CNBD1: variants seen among roughly 807,000 people sequenced by gnomAD.
The protein encoded by CNBD1 is cyclic nucleotide binding domain containing 1.
CNBD1 carries 71 observed loss-of-function variants against 54.4 expected under a neutral mutation model. That is an observed-to-expected ratio of 1.30 (90% CI 1.08 to 1.59). The LOEUF (loss-of-function observed/expected upper bound fraction) is 1.59. CNBD1 is among the 40% of genes most tolerant of loss of function. CNBD1 has a pLI of 0.00. For synonymous variants in CNBD1, 182 were observed against 170.7 expected (o/e 1.07, Z -0.51); for missense variants, 659 against 518.0 (o/e 1.27, Z -2.64).
intron 4 of CNBD1, among the ~76,000 whole-genome samples, chr8:87,040,558 G>T (rs1810045881): frequency 6.6e-6 from 1 of 151,284 alleles, no homozygotes; most frequent in Admixed American, 6.6e-5. Context: ...CATGTAGCTG[G>T]GACTACAGGT....
chr8:87,322,214 T>G lies in CNBD1; in HGVS notation c.1043-29471T>G, dbSNP rs112399322. ...AATCCAGTCTATCATTGTTGGACAT[T>G]TGGGTTGTTTCCAAGTCTTTGCTAT... On this transcript the variant is annotated intron_variant, in intron 8 of 10. Coordinates refer to ENST00000518476, the MANE Select transcript of CNBD1 (RefSeq NM_173538.3). 2.5e-4 allele frequency among the ~76,000 whole-genome samples: 31 copies of G among 122,748 alleles called. 6 individuals are homozygous for G. The highest frequency in any genetic ancestry group is 7.7e-4 in the African/African-American group (25 of 32,636). 80.5% of individuals were successfully genotyped at this position (122,748 alleles called of 152,430 possible). A position where few individuals can be genotyped will look rare whatever the true frequency, so the allele number is the denominator to read the frequency against.
At chr8:87,172,342 T>C (rs1379233511) in intron 4 of CNBD1, among the ~76,000 whole-genome samples, 1 of 152,132 alleles carries the variant, frequency 6.6e-6, no homozygotes, top group Non-Finnish European at 1.5e-5. Context: ...ATGTTTATTC[T>C]ACAGCTATTG....
intron 4 of CNBD1, among the ~76,000 whole-genome samples, chr8:87,113,656 A>C (rs1039911313): frequency 2.6e-5 from 4 of 152,200 alleles, no homozygotes; most frequent in African/African-American, 9.6e-5. Context: ...ACGGTGACTC[A>C]CGCCTGTAAT....
downstream of CNBD1, among the ~76,000 whole-genome samples, chr8:87,387,588 G>T (rs968508995): frequency 1.3e-5 from 2 of 152,116 alleles, no homozygotes; most frequent in Non-Finnish European, 2.9e-5. Context: ...CAATACAGGA[G>T]CACCCAGGTT....
intron 4 of CNBD1, among the ~76,000 whole-genome samples, chr8:87,018,757 A>G (rs1424659736): frequency 1.3e-5 from 2 of 152,184 alleles, no homozygotes; most frequent in Non-Finnish European, 2.9e-5. Flanking sequence ...AAAACTATAC[A>G]AGCCGCCTCC....
intron 10 of CNBD1, among the ~76,000 whole-genome samples, chr8:87,370,048 G>C (rs189167703): frequency 6.6e-6 from 1 of 151,904 alleles, no homozygotes; most frequent in African/African-American, 2.4e-5. Context: ...CCCTACAAAG[G>C]ACATGAACTC....
At chr8:86,936,671 A>T (rs1048651480) in intron 3 of CNBD1, among the ~76,000 whole-genome samples, 2 of 150,386 alleles carry the variant, frequency 1.3e-5, no homozygotes, top group Non-Finnish European at 2.9e-5. Flanking sequence ...TGAACCCAGG[A>T]GGCAGAGCTT....
intron 2 of CNBD1, among the ~76,000 whole-genome samples, chr8:87,393,933 A>C (rs140655241): frequency 6.6e-6 from 1 of 151,948 alleles, no homozygotes; most frequent in East Asian, 1.9e-4. Flanking sequence ...AAAAAACACT[A>C]TCCAAAGGCC....
chr8:87,305,197 C>G (rs1809116561), intron 8 of CNBD1, among the ~76,000 whole-genome samples: 1 of 152,022 alleles, frequency 6.6e-6, no homozygotes, highest in African/African-American at 2.4e-5. Context: ...ATATACCTAA[C>G]CAAGAAGTTG....
At chr8:87,028,734 T>C (rs182844573) in intron 4 of CNBD1, among the ~76,000 whole-genome samples, 150 of 152,338 alleles carry the variant, frequency 9.8e-4, no homozygotes, top group African/African-American at 3.3e-3. Context: ...TTTTCAATTA[T>C]TTGGTACCTT....
chr8:87,380,916 T>C (rs915429803), intron 10 of CNBD1, among the ~76,000 whole-genome samples: 6 of 152,038 alleles, frequency 3.9e-5, no homozygotes, highest in African/African-American at 1.4e-4. Context: ...AAGACACAAA[T>C]GCAAGAATTG....
intron 4 of CNBD1, among the ~76,000 whole-genome samples, chr8:86,998,866 T>C (rs1461884951): frequency 2.6e-5 from 4 of 152,182 alleles, no homozygotes; most frequent in African/African-American, 7.2e-5. Flanking sequence ...AAATGAGTCT[T>C]GCCTTATGCT....
chr8:86,930,341 G>T (rs560753006), intron 3 of CNBD1, among the ~76,000 whole-genome samples: 2 of 152,158 alleles, frequency 1.3e-5, no homozygotes, highest in Non-Finnish European at 2.9e-5. Flanking sequence ...TAGCTAGAAA[G>T]GTCAAGAGAT....
intron 5 of CNBD1, among the ~76,000 whole-genome samples, chr8:87,231,492 A>G (rs1280221735): frequency 2.6e-5 from 4 of 152,172 alleles, no homozygotes; most frequent in Non-Finnish European, 5.9e-5. Flanking sequence ...CCCTGCTTTC[A>G]GTTTCCTCAG....
At chr8:87,107,381 C>T (rs1384702652) in intron 4 of CNBD1, among the ~76,000 whole-genome samples, 1 of 152,150 alleles carries the variant, frequency 6.6e-6, no homozygotes, top group Non-Finnish European at 1.5e-5. Flanking sequence ...CACATTAATA[C>T]TTCAGGACAC....
intron 3 of CNBD1, among the ~76,000 whole-genome samples, chr8:86,917,536 T>C (rs973063523): frequency 8.5e-5 from 13 of 152,058 alleles, no homozygotes; most frequent in African/African-American, 3.1e-4. Context: ...TGAACACTGG[T>C]AAGGGTAGAG....
intron 8 of CNBD1, among the ~76,000 whole-genome samples, chr8:87,313,221 G>T (rs1349213816): frequency 6.6e-6 from 1 of 151,930 alleles, no homozygotes; most frequent in Non-Finnish European, 1.5e-5. Flanking sequence ...TTATCCATTT[G>T]TGTTTGTTGG....
At chr8:86,890,278 A>G (rs1305417149) in intron 2 of CNBD1, among the ~76,000 whole-genome samples, 1 of 152,054 alleles carries the variant, frequency 6.6e-6, no homozygotes, top group Non-Finnish European at 1.5e-5. Flanking sequence ...AGTAACCACC[A>G]TTCTACTCTC....
At chr8:87,007,360 A>G (rs1343565802) in intron 4 of CNBD1, among the ~76,000 whole-genome samples, 2 of 152,178 alleles carry the variant, frequency 1.3e-5, no homozygotes, top group African/African-American at 2.4e-5. Flanking sequence ...TAAAAAATCC[A>G]TAAGCTCTTA....
Sources: allele counts gnomAD v4.1 joint callset (sites outside exome capture counted in the v4.1 genomes callset), GRCh38; gene constraint gnomAD v4.1.1; transcripts MANE v1.5; gene names NCBI Gene and HGNC (gene_info 2026-07-23, HGNC 2026-07-21).